The following CAPN9 variants were observed in gnomAD, a reference collection of about 807,000 sequenced individuals.
The protein encoded by CAPN9 is calpain 9, also known as calpain-9.
CAPN9 carries 81 observed loss-of-function variants against 92.8 expected under a neutral mutation model. The ratio of observed to expected loss-of-function variants is 0.87; its 90% CI spans 0.73 to 1.05. The LOEUF (loss-of-function observed/expected upper bound fraction) is 1.05, where lower values mean the gene tolerates loss of function less well. Ranked by LOEUF, CAPN9 falls within the 50% of genes least tolerant of loss-of-function variation. CAPN9 has a pLI of 0.00. For synonymous variants in CAPN9, 304 were observed against 328.0 expected (o/e 0.93, Z 0.79); for missense variants, 848 against 866.2 (o/e 0.98, Z 0.26).
intron 1 of CAPN9, among the ~76,000 whole-genome samples, chr1:230,749,468 G>A (rs1178888441): frequency 6.6e-6 from 1 of 152,226 alleles, no homozygotes; most frequent in Non-Finnish European, 1.5e-5. Flanking sequence ...CGCGTGGGCA[G>A]CTGCCCAGGC....
At chr1:230,758,123 G>C (rs1057492663) in intron 2 of CAPN9, among the ~76,000 whole-genome samples, 3 of 152,200 alleles carry the variant, frequency 2.0e-5, no homozygotes, top group African/African-American at 4.8e-5. Flanking sequence ...CAAAAGCTCA[G>C]AGCATTTCTG....
rs749361115 is a variant in CAPN9 at position 230,774,633 on chromosome 1, T to C, written c.953+2T>C. 15 of 1,612,110 alleles carry C rather than the reference T, an allele frequency of 9.3e-6. No homozygotes were observed. In the Middle Eastern group the frequency reaches 6.6e-4, roughly 71 times the overall value. On this transcript the variant is annotated splice_donor_variant, in intron 8 of 19. Coordinates refer to ENST00000271971, the MANE Select transcript of CAPN9 (RefSeq NM_006615.3). LOFTEE classifies it high-confidence loss of function. ...TGCTCTGGATGATGGGGAATTCTGG[T>C]ACCGTGCTTGTTCCTGTGTTAACTG...
At chr1:230,775,771 G>A (rs1283270453) in intron 8 of CAPN9, among the ~76,000 whole-genome samples, 1 of 152,096 alleles carries the variant, frequency 6.6e-6, no homozygotes, top group Non-Finnish European at 1.5e-5. Context: ...CAAAAAATTA[G>A]CCAGGGGTGG....
chr1:230,781,794 G>A (rs945213659), intron 11 of CAPN9, among the ~76,000 whole-genome samples: 4 of 152,310 alleles, frequency 2.6e-5, no homozygotes, highest in Middle Eastern at 3.4e-3. Context: ...TTCATCTTTC[G>A]TTTAGTGAGA....
intron 8 of CAPN9, among the ~76,000 whole-genome samples, chr1:230,778,471 A>G (rs2102890843): frequency 6.6e-6 from 1 of 152,304 alleles, no homozygotes; most frequent in South Asian, 2.1e-4. Context: ...CAAAATCCCT[A>G]TACCTATTTG....
At chr1:230,751,013 G>A (rs967375011) in intron 1 of CAPN9, among the ~76,000 whole-genome samples, 3 of 152,214 alleles carry the variant, frequency 2.0e-5, no homozygotes, top group African/African-American at 7.2e-5. Context: ...CAGCCACCAT[G>A]CAGTCCATCC....
At chr1:230,794,762 G>T (rs3818846) in intron 17 of CAPN9, among the ~76,000 whole-genome samples, 1 of 152,120 alleles carries the variant, frequency 6.6e-6, no homozygotes, top group Non-Finnish European at 1.5e-5. Flanking sequence ...GACATAGAAC[G>T]CGAGGGGAGG....
intron 14 of CAPN9, among the ~76,000 whole-genome samples, chr1:230,791,343 G>A (rs1667966945): frequency 6.6e-6 from 1 of 152,094 alleles, no homozygotes; most frequent in Admixed American, 6.5e-5. Context: ...TTAACTCTAT[G>A]TTTAATGTTT....
intron 3 of CAPN9, 94 bp from the exon 4 acceptor site, chr1:230,762,559 G>T: frequency 6.8e-7 from 1 of 1,465,100 alleles, no homozygotes. Context: ...CTTGGTCAGA[G>T]GGGAAAAAAG....
rs188186885 is a variant in CAPN9, at chr1:230,792,024, A to T, written c.1722+96A>T. The T allele has an allele frequency of 7.7e-6, 7 of 910,196 alleles. No homozygotes were observed. The Admixed American group carries it at 1.3e-4, about 17-fold the overall frequency. The allele number at this position is 910,196 out of a possible 1,614,324, so 56.4% of individuals were successfully genotyped here. ...ATAGTGCAGACTCTCCAAGAACATG[A>T]CATCCTTAGCCAGCAGAATAGTCTT... is the stretch of plus-strand genomic sequence containing the variant. On this transcript the variant is annotated intron_variant, in intron 15 of 19. Transcript: ENST00000271971.
chr1:230,764,710 T>C (rs1572031211), intron 4 of CAPN9, among the ~76,000 whole-genome samples: 1 of 152,236 alleles, frequency 6.6e-6, no homozygotes, highest in Non-Finnish European at 1.5e-5. Context: ...TAATTATACA[T>C]GTATATTGAG....
chr1:230,787,584 T>C lies in CAPN9; in HGVS notation c.1581T>C (p.Phe527=). 1 of 1,614,034 alleles carries C rather than the reference T, an allele frequency of 6.2e-7. No homozygotes were observed. The highest frequency in any genetic ancestry group is 8.5e-7 in the Non-Finnish European group (1 of 1,179,932). Residue 527 remains phenylalanine, a synonymous_variant, in exon 13 of 20, where the codon TTT becomes TTC. Transcript: ENST00000271971. ...TEEEQRFRAL[F]EQVAGEDMEV... The stretch of plus-strand genomic sequence containing the variant: ...AGGAGCAGCGGTTTCGGGCTCTGTT[T>C]GAACAAGTCGCTGGTGAGGTAGGAC...
chr1:230,786,028 T>A lies in CAPN9; in HGVS notation c.1518+11T>A. 6.2e-7 allele frequency: 1 copy of A among 1,613,688 alleles called. No homozygotes were observed. Among genetic ancestry groups the A allele is most frequent in the Non-Finnish European group, 8.5e-7 (1 of 1,179,546 alleles). ...ATTGACCTTCCTGAGGTGAGTCTTC[T>A]GATGTTGCTATGGAGTATGGGATTC... On this transcript the variant is annotated intron_variant, in intron 12 of 19. Coordinates refer to ENST00000271971, the MANE Select transcript of CAPN9 (RefSeq NM_006615.3).
At chr1:230,762,613 A>G in intron 3 of CAPN9, 40 bp from the exon 4 acceptor site, 1 of 1,608,214 alleles carries the variant, frequency 6.2e-7, no homozygotes, top group Non-Finnish European at 8.5e-7. Flanking sequence ...GCTCCCATGT[A>G]GCTGACTCGC....
chr1:230,783,282 C>G (rs1667351830), intron 11 of CAPN9, among the ~76,000 whole-genome samples: 2 of 152,168 alleles, frequency 1.3e-5, no homozygotes, highest in Admixed American at 1.3e-4. Flanking sequence ...GGCTTAACTT[C>G]TTTTAGTTTC....
chr1:230,749,550 T>C (rs759106531), intron 1 of CAPN9, among the ~76,000 whole-genome samples: 4 of 152,056 alleles, frequency 2.6e-5, no homozygotes, highest in East Asian at 1.9e-4. Context: ...CCCTGGGAAA[T>C]AGAGTTAGAG....
intron 7 of CAPN9, among the ~76,000 whole-genome samples, chr1:230,773,389 G>A (rs1035068825): frequency 5.3e-5 from 8 of 152,186 alleles, no homozygotes; most frequent in African/African-American, 9.7e-5. Flanking sequence ...ACTGCGTCAC[G>A]TTGTAAGATG....
At chr1:230,761,606 G>A (rs917336480) in intron 3 of CAPN9, among the ~76,000 whole-genome samples, 4 of 151,076 alleles carry the variant, frequency 2.6e-5, no homozygotes, top group Admixed American at 2.6e-4. Flanking sequence ...CAACTCTTCT[G>A]ATTGGGATTG....
chr1:230,795,647 A>C (rs1270504341), intron 18 of CAPN9, among the ~76,000 whole-genome samples: 1 of 151,830 alleles, frequency 6.6e-6, no homozygotes, highest in Non-Finnish European at 1.5e-5. Context: ...CCGCCCTGTA[A>C]GCCCTAGACA....
Sources: allele counts gnomAD v4.1 joint callset (sites outside exome capture counted in the v4.1 genomes callset), GRCh38; gene constraint gnomAD v4.1.1; transcripts MANE v1.5; gene names NCBI Gene and HGNC (gene_info 2026-07-23, HGNC 2026-07-21).